LPP: variants seen among roughly 807,000 people sequenced by gnomAD.
The protein encoded by LPP is lipoma-preferred partner.
A neutral mutation model predicts 60.4 loss-of-function variants in LPP; 38 were observed. The ratio of observed to expected loss-of-function variants is 0.63; its 90% CI spans 0.49 to 0.83. LPP has a LOEUF of 0.83. Ranked by LOEUF, LPP falls within the 40% of genes least tolerant of loss-of-function variation. The pLI is 0.00. For missense variants in LPP, 902 were observed against 783.6 expected (o/e 1.15, Z -1.80); for synonymous variants, 328 against 290.8 (o/e 1.13, Z -1.30).
At chr3:188,755,697 T>TG (rs1729912276) in intron 8 of LPP, among the ~76,000 whole-genome samples, 1 of 150,842 alleles carries the variant, frequency 6.6e-6, no homozygotes, top group South Asian at 2.1e-4. Context: ...TCCCAGCTAC[T>TG]GGTGGCAAGG....
intron 7 of LPP, among the ~76,000 whole-genome samples, chr3:188,659,785 T>C (rs1854145441): frequency 6.7e-6 from 1 of 149,846 alleles, no homozygotes; most frequent in African/African-American, 2.5e-5. Flanking sequence ...ATACTATTAG[T>C]TCTCCTTGTG....
At chr3:188,563,728 G>GTTTTTT (rs5855207) in intron 6 of LPP, among the ~76,000 whole-genome samples, 2 of 145,182 alleles carry the variant, frequency 1.4e-5, no homozygotes, top group African/African-American at 2.5e-5. Flanking sequence ...GTTTTTTTTT[G>GTTTTTT]TTTTTTTTTT....
chr3:188,358,484 A>T (rs1768254208), intron 3 of LPP, among the ~76,000 whole-genome samples: 1 of 152,260 alleles, frequency 6.6e-6, no homozygotes, highest in Non-Finnish European at 1.5e-5. Context: ...TTCAGAGAAG[A>T]AAAAAGAACT....
intron 9 of LPP, among the ~76,000 whole-genome samples, chr3:188,805,325 T>C (rs1748765489): frequency 6.6e-6 from 1 of 151,890 alleles, no homozygotes; most frequent in African/African-American, 2.4e-5. Context: ...GACCTGGAAT[T>C]TTCTTTGTTA....
intron 4 of LPP, among the ~76,000 whole-genome samples, chr3:188,480,382 A>G (rs1804441480): frequency 6.6e-6 from 1 of 152,222 alleles, no homozygotes; most frequent in Non-Finnish European, 1.5e-5. Context: ...CAAGCAAGAT[A>G]TGTCTCAGCA....
At chr3:188,220,279 A>G (rs943410595) in intron 1 of LPP, among the ~76,000 whole-genome samples, 1 of 76,340 alleles carries the variant, frequency 1.3e-5, no homozygotes, top group Non-Finnish European at 2.4e-5. Context: ...TTATGACATC[A>G]CCTCATGTCA....
chr3:188,581,312 T>G (rs1836032311), intron 6 of LPP, among the ~76,000 whole-genome samples: 1 of 152,146 alleles, frequency 6.6e-6, no homozygotes, highest in South Asian at 2.1e-4. Context: ...GTGGACAGAC[T>G]GGCATTTTAC....
intron 4 of LPP, among the ~76,000 whole-genome samples, chr3:188,467,110 A>G (rs914180821): frequency 1.3e-5 from 2 of 151,798 alleles, no homozygotes; most frequent in African/African-American, 4.8e-5. Flanking sequence ...TGGACCTAAG[A>G]AAAGCAATCC....
At chr3:188,689,634 G>A (rs749278224) in intron 7 of LPP, among the ~76,000 whole-genome samples, 2 of 152,008 alleles carry the variant, frequency 1.3e-5, no homozygotes, top group Admixed American at 6.5e-5. Flanking sequence ...CATTGTTTTC[G>A]GAGAATTTTC....
chr3:188,748,787 GTAATAA>G (rs909202241), intron 8 of LPP, among the ~76,000 whole-genome samples: 10 of 152,002 alleles, frequency 6.6e-5, no homozygotes, highest in Non-Finnish European at 8.8e-5. Context: ...CTGTCTCAAA[GTAATAA>G]TAATAATAAG....
intron 7 of LPP, among the ~76,000 whole-genome samples, chr3:188,636,468 A>G (rs925080163): frequency 2.2e-4 from 33 of 152,254 alleles, no homozygotes; most frequent in Non-Finnish European, 4.6e-4. Context: ...AGGCTGCAGC[A>G]AGACTGGGGG....
chr3:188,753,649 T>C, intron 8 of LPP, among the ~76,000 whole-genome samples: 1 of 151,890 alleles, frequency 6.6e-6, no homozygotes, highest in South Asian at 2.1e-4. Flanking sequence ...TTTACCTTAA[T>C]TTCTCTTTTT....
intron 9 of LPP, among the ~76,000 whole-genome samples, chr3:188,849,612 G>A (rs1034498434): frequency 7.9e-5 from 12 of 152,124 alleles, no homozygotes; most frequent in Admixed American, 7.2e-4. Context: ...TATATAGATA[G>A]GAGTCAGGCA....
At chr3:188,769,446 G>A (rs1735167996) in intron 9 of LPP, among the ~76,000 whole-genome samples, 2 of 152,146 alleles carry the variant, frequency 1.3e-5, no homozygotes, top group African/African-American at 4.8e-5. Flanking sequence ...GGAAAGAGAG[G>A]CACAGACCTG....
At position 188,887,886 on chromosome 3, in the gene LPP, A is replaced by G. The variant is rs1194893387; in HGVS notation, c.*13407A>G. The G allele has an allele frequency of 4.7e-6, 1 of 211,264 alleles. No homozygotes were observed. The highest frequency in any genetic ancestry group is 2.3e-5 in the African/African-American group (1 of 44,110). 13.1% of individuals were successfully genotyped at this position (211,264 alleles called of 1,614,324 possible). A position where few individuals can be genotyped will look rare whatever the true frequency, so the allele number is the denominator to read the frequency against. On this transcript the variant is annotated 3_prime_UTR_variant, in exon 12 of 12. Transcript: ENST00000617246. The stretch of plus-strand genomic sequence containing the variant: ...CTGATGAGCAAATTATCCAAGACTC[A>G]TTTCTTTATTAGGCAAAGTCAGAAT...
At chr3:188,248,988 A>G (rs1214413291) in intron 2 of LPP, among the ~76,000 whole-genome samples, 1 of 152,202 alleles carries the variant, frequency 6.6e-6, no homozygotes, top group East Asian at 1.9e-4. Context: ...AAAACTTGTA[A>G]CTGTAGCTCT....
chr3:188,529,437 T>C (rs1821555302), intron 6 of LPP, among the ~76,000 whole-genome samples: 1 of 152,220 alleles, frequency 6.6e-6, no homozygotes, highest in Non-Finnish European at 1.5e-5. Context: ...TGAATCCATG[T>C]CTCTATCATC....
At chr3:188,847,903 A>G (rs1761850789) in intron 9 of LPP, among the ~76,000 whole-genome samples, 1 of 152,210 alleles carries the variant, frequency 6.6e-6, no homozygotes, top group Non-Finnish European at 1.5e-5. Flanking sequence ...AAAAATTAAT[A>G]AAGTGAATGT....
intron 5 of LPP, among the ~76,000 whole-genome samples, chr3:188,494,261 C>T (rs186497770): frequency 1.3e-5 from 2 of 152,232 alleles, no homozygotes; most frequent in East Asian, 1.9e-4. Flanking sequence ...AAAGCCCCTC[C>T]CTTACATGCC....
Sources: allele counts gnomAD v4.1 joint callset (sites outside exome capture counted in the v4.1 genomes callset), GRCh38; gene constraint gnomAD v4.1.1; transcripts MANE v1.5; gene names NCBI Gene and HGNC (gene_info 2026-07-23, HGNC 2026-07-21).